SPECC1: variants seen among roughly 807,000 people sequenced by gnomAD.
SPECC1 encodes the protein cytospin-B.
Under a neutral mutation model 104.1 loss-of-function variants are expected in SPECC1, and 62 were observed. That is an observed-to-expected ratio of 0.60 (90% CI 0.49 to 0.74). SPECC1 has a LOEUF of 0.74. Ranked by LOEUF, SPECC1 falls within the 30% of genes least tolerant of loss-of-function variation. The pLI, the probability that SPECC1 is intolerant of heterozygous loss-of-function variation, is 0.00. For missense variants in SPECC1, 1,306 were observed against 1,310.5 expected (o/e 1.00, Z 0.05); for synonymous variants, 513 against 501.6 (o/e 1.02, Z -0.30).
At chr17:20,074,236 A>G (rs2046669697) in intron 1 of SPECC1, among the ~76,000 whole-genome samples, 1 of 152,152 alleles carries the variant, frequency 6.6e-6, no homozygotes, top group South Asian at 2.1e-4. Context: ...CGTCTGGCAG[A>G]GGGTCTGATA....
At chr17:20,165,577 A>G (rs973335147) in intron 3 of SPECC1, among the ~76,000 whole-genome samples, 1 of 152,232 alleles carries the variant, frequency 6.6e-6, no homozygotes, top group Admixed American at 6.5e-5. Flanking sequence ...ATATTCAGTA[A>G]TGGAATTGCT....
intron 3 of SPECC1, among the ~76,000 whole-genome samples, chr17:20,153,077 G>C (rs575188984): frequency 9.9e-5 from 15 of 152,276 alleles, no homozygotes; most frequent in African/African-American, 3.6e-4. Flanking sequence ...ATCACATTGT[G>C]GGGGGTAGGG....
In SPECC1 at chr17:20,009,442, C is replaced by G. The variant is rs1448744462; in HGVS notation, c.-22+18C>G. 1 of 152,162 alleles carries G rather than the reference C, an allele frequency of 6.6e-6. No homozygotes were observed. The highest frequency in any genetic ancestry group is 2.4e-5 in the African/African-American group (1 of 41,418). The allele number at this position is 152,162 out of a possible 1,614,324, so 9.4% of individuals were successfully genotyped here. A position where few individuals can be genotyped will look rare whatever the true frequency, so the allele number is the denominator to read the frequency against. Reference sequence around the variant, plus strand: ...CGGGGCCGGTGAGTACTAGCCGCGCCGCCAGCCCGCCCGCCGGCCGGCTCT... The same window carrying G: ...CGGGGCCGGTGAGTACTAGCCGCGCGGCCAGCCCGCCCGCCGGCCGGCTCT... On this transcript the variant is annotated intron_variant, in intron 1 of 14. Coordinates refer to ENST00000395527, the MANE Select transcript of SPECC1 (RefSeq NM_001243439.2). This position sits in a 1 kb window ranked among gnomAD's most constrained non-coding sequence, Gnocchi z 5.2.
chr17:20,068,581 G>A (rs2046440196), intron 1 of SPECC1, among the ~76,000 whole-genome samples: 1 of 152,182 alleles, frequency 6.6e-6, no homozygotes, highest in Admixed American at 6.5e-5. Context: ...CACAGTGGCT[G>A]TACTTTTTCA....
At chr17:20,115,499 AT>A (rs1187054180) in intron 3 of SPECC1, among the ~76,000 whole-genome samples, 2 of 152,074 alleles carry the variant, frequency 1.3e-5, no homozygotes, top group African/African-American at 4.8e-5. Context: ...ATAAATAAAA[AT>A]AAAAAAAATT....
chr17:20,110,858 G>A (rs917304860), intron 3 of SPECC1, among the ~76,000 whole-genome samples: 1 of 151,914 alleles, frequency 6.6e-6, no homozygotes, highest in Non-Finnish European at 1.5e-5. Context: ...CAAGCAGGGC[G>A]GCATATGTTC....
intron 3 of SPECC1, among the ~76,000 whole-genome samples, chr17:20,189,022 GC>G (rs2035472818): frequency 6.6e-6 from 1 of 152,168 alleles, no homozygotes; most frequent in Non-Finnish European, 1.5e-5. Context: ...GTACACCTGA[GC>G]CATAACTGTA....
intron 3 of SPECC1, among the ~76,000 whole-genome samples, chr17:20,181,442 G>A (rs2034880203): frequency 6.6e-6 from 1 of 152,038 alleles, no homozygotes; most frequent in South Asian, 2.1e-4. Context: ...ATTGTTATAG[G>A]TATGGAATAA....
chr17:20,038,389 CAAATTTTG>C (rs1037829525), intron 1 of SPECC1, among the ~76,000 whole-genome samples: 5 of 137,164 alleles, frequency 3.6e-5, no homozygotes, highest in African/African-American at 1.3e-4. Flanking sequence ...CTATGTCCCA[CAAATTTTG>C]ATATTCTTTT....
At chr17:20,035,812 T>TA (rs1424607131) in intron 1 of SPECC1, among the ~76,000 whole-genome samples, 1 of 152,180 alleles carries the variant, frequency 6.6e-6, no homozygotes, top group Non-Finnish European at 1.5e-5. Context: ...TTAGTAGTTT[T>TA]AGTGTTTTTA....
chr17:20,034,333 G>T (rs1567804260), intron 1 of SPECC1, among the ~76,000 whole-genome samples: 1 of 151,962 alleles, frequency 6.6e-6, no homozygotes, highest in African/African-American at 2.4e-5. Flanking sequence ...TCCTGACCGT[G>T]TGATCCACCT....
chr17:20,066,070 A>G (rs2046347800), intron 1 of SPECC1, among the ~76,000 whole-genome samples: 1 of 152,212 alleles, frequency 6.6e-6, no homozygotes, highest in Admixed American at 6.5e-5. Context: ...ATTTCTATCC[A>G]TACCCATTTT....
chr17:20,194,502 A>ATTATTTATT, intron 3 of SPECC1, among the ~76,000 whole-genome samples: 1 of 86,566 alleles, frequency 1.2e-5, no homozygotes, highest in African/African-American at 5.3e-5. Context: ...AAGAGAACGA[A>ATTATTTATT]TTTTTTTTTT....
chr17:20,276,295 A>AT lies in SPECC1; in HGVS notation c.2940+16008dup, dbSNP rs560772542. ...CCACACCTGGCTAATTCTTTAAAAAATTTTTTTAGAGACAGGGTGTTGCTA... is the reference window on the plus strand; with the variant it reads ...CCACACCTGGCTAATTCTTTAAAAAATTTTTTTTAGAGACAGGGTGTTGCTA... On this transcript the variant is annotated intron_variant, in intron 12 of 14. Coordinates refer to ENST00000395527, the MANE Select transcript of SPECC1 (RefSeq NM_001243439.2). 5.3e-5 allele frequency among the ~76,000 whole-genome samples: 8 copies of AT among 152,018 alleles called. No individual in the cohort carries two copies. In the South Asian group the frequency reaches 1.5e-3, roughly 28 times the overall value.
chr17:20,206,317 AGTCT>A, intron 4 of SPECC1, among the ~76,000 whole-genome samples: 1 of 152,342 alleles, frequency 6.6e-6, no homozygotes, highest in Admixed American at 6.5e-5. Context: ...GGAGTTTGCC[AGTCT>A]GTCAGCATGC....
At chr17:20,127,082 A>C (rs543607405) in intron 3 of SPECC1, among the ~76,000 whole-genome samples, 1 of 152,124 alleles carries the variant, frequency 6.6e-6, no homozygotes. Context: ...TTTGCTTTGT[A>C]TGTTTCTTTT....
chr17:20,218,752 G>T (rs1317567920), intron 4 of SPECC1, among the ~76,000 whole-genome samples: 3 of 152,052 alleles, frequency 2.0e-5, no homozygotes, highest in Non-Finnish European at 4.4e-5. Flanking sequence ...TCAAATAATA[G>T]GTTTTATTAA....
intron 3 of SPECC1, among the ~76,000 whole-genome samples, chr17:20,137,868 T>C (rs1358523198): frequency 6.6e-6 from 1 of 152,074 alleles, no homozygotes; most frequent in Non-Finnish European, 1.5e-5. Flanking sequence ...GTTTTCGGCA[T>C]GTTGACCAGG....
At chr17:20,251,802 A>G (rs1379295226) in intron 9 of SPECC1, among the ~76,000 whole-genome samples, 1 of 152,230 alleles carries the variant, frequency 6.6e-6, no homozygotes, top group Non-Finnish European at 1.5e-5. Flanking sequence ...GATTTAACTC[A>G]TTTAATCCTC....
Sources: allele counts gnomAD v4.1 joint callset (sites outside exome capture counted in the v4.1 genomes callset), GRCh38; gene constraint gnomAD v4.1.1; non-coding constraint Gnocchi (gnomAD v3.1); transcripts MANE v1.5; gene names NCBI Gene and HGNC (gene_info 2026-07-23, HGNC 2026-07-21).